DZANK1: variants seen among roughly 807,000 people sequenced by gnomAD.
DZANK1 encodes the protein double zinc ribbon and ankyrin repeat domains 1.
In DZANK1, 91 loss-of-function variants were observed where a neutral mutation model predicts 94.5. The ratio of observed to expected loss-of-function variants is 0.96; its 90% CI spans 0.81 to 1.15. The LOEUF (loss-of-function observed/expected upper bound fraction) is 1.15. DZANK1 is among the 50% of genes most tolerant of loss of function. The pLI is 0.00. For synonymous variants in DZANK1, 312 were observed against 325.3 expected (o/e 0.96, Z 0.44); for missense variants, 903 against 916.4 (o/e 0.99, Z 0.19).
At chr20:18,433,145 T>A (rs182398530) in intron 9 of DZANK1, 61 of 153,270 alleles carry the variant, frequency 4.0e-4, no homozygotes, top group Non-Finnish European at 6.8e-4. Flanking sequence ...CAATCCTACA[T>A]ATCTCTCTTA....
At chr20:18,457,154 G>C (rs2059319629) in intron 3 of DZANK1, among the ~76,000 whole-genome samples, 1 of 152,140 alleles carries the variant, frequency 6.6e-6, no homozygotes, top group Non-Finnish European at 1.5e-5. Flanking sequence ...ATATAGGCTT[G>C]GTCGTTGTAA....
At chr20:18,405,293 G>A (rs988847042) in intron 13 of DZANK1, among the ~76,000 whole-genome samples, 1 of 152,002 alleles carries the variant, frequency 6.6e-6, no homozygotes, top group African/African-American at 2.4e-5. Flanking sequence ...ATATGTAGCA[G>A]AAAAGTACAA....
intron 17 of DZANK1, among the ~76,000 whole-genome samples, chr20:18,393,044 G>A (rs147009853): frequency 8.5e-5 from 13 of 152,246 alleles, no homozygotes; most frequent in African/African-American, 2.6e-4. Context: ...TAACTATTTC[G>A]CAGAAAGCAT....
At chr20:18,383,466 A>G (rs1469126137) in exon 21 of DZANK1, 2 of 152,218 alleles carry the variant, frequency 1.3e-5, no homozygotes, top group Non-Finnish European at 2.9e-5. Context: ...AAAAAATTTA[A>G]ATAAGGTCAA....
At chr20:18,452,801 A>G in intron 5 of DZANK1, 62 bp from the exon 6 acceptor site, 1 of 1,470,064 alleles carries the variant, frequency 6.8e-7, no homozygotes, top group Non-Finnish European at 9.1e-7. Flanking sequence ...TCATACAAAG[A>G]TATCTTCACA....
intron 8 of DZANK1, among the ~76,000 whole-genome samples, chr20:18,434,299 C>T (rs2058421034): frequency 6.6e-6 from 1 of 151,898 alleles, no homozygotes; most frequent in Admixed American, 6.6e-5. Context: ...AACCCCAACA[C>T]TTTGGGAGGC....
chr20:18,387,291 G>A (rs2048559660), intron 19 of DZANK1, among the ~76,000 whole-genome samples: 1 of 152,116 alleles, frequency 6.6e-6, no homozygotes, highest in Admixed American at 6.5e-5. Flanking sequence ...TTTCTGTGCT[G>A]GCTATTTCCT....
intron 10 of DZANK1, among the ~76,000 whole-genome samples, chr20:18,423,136 C>A (rs2057874301): frequency 6.6e-6 from 1 of 152,122 alleles, no homozygotes; most frequent in African/African-American, 2.4e-5. Context: ...GTGCCTAGAA[C>A]ACTGAGTAAA....
intron 10 of DZANK1, among the ~76,000 whole-genome samples, chr20:18,419,988 T>C (rs568057182): frequency 6.6e-6 from 1 of 152,162 alleles, no homozygotes; most frequent in South Asian, 2.1e-4. Flanking sequence ...AACACCTTTC[T>C]AGCCAATTGT....
exon 13 of DZANK1, chr20:18,412,731 C>T: frequency 6.2e-7 from 1 of 1,613,702 alleles, no homozygotes; most frequent in Non-Finnish European, 8.5e-7. Flanking sequence ...GTTCCTGTTC[C>T]TTTTTTGCTA....
intron 10 of DZANK1, among the ~76,000 whole-genome samples, chr20:18,423,083 A>G (rs997325952): frequency 4.6e-5 from 7 of 152,198 alleles, no homozygotes; most frequent in African/African-American, 1.7e-4. Flanking sequence ...ATCATATTTT[A>G]TAGAAGCCAA....
chr20:18,395,404 C>T (rs1271097251), intron 15 of DZANK1, among the ~76,000 whole-genome samples: 3 of 152,124 alleles, frequency 2.0e-5, no homozygotes, highest in African/African-American at 4.8e-5. Context: ...AAACAATGAC[C>T]TGGGAACAGT....
chr20:18,439,383 G>A (rs112116269), intron 8 of DZANK1, among the ~76,000 whole-genome samples: 3 of 152,314 alleles, frequency 2.0e-5, no homozygotes, highest in African/African-American at 7.2e-5. Context: ...TCTGGAAACT[G>A]GGGGAGGAAC....
exon 7 of DZANK1, chr20:18,449,037 C>T (rs746594515): frequency 1.5e-5 from 24 of 1,613,776 alleles, no homozygotes; most frequent in South Asian, 3.3e-5. Context: ...TTGTCAAACA[C>T]TTCTGACCGC....
chr20:18,415,358 T>C, exon 11 of DZANK1: 2 of 1,593,686 alleles, frequency 1.3e-6, no homozygotes, highest in Non-Finnish European at 1.7e-6. Context: ...GAAGGACGCC[T>C]CCCAGAGATT....
Position 18,393,697 on chromosome 20 carries a change from A to T in DZANK1, c.1809+14T>A, listed in dbSNP as rs2056152060. 5 of 1,566,180 alleles carry T rather than the reference A, an allele frequency of 3.2e-6. No homozygotes were observed. The East Asian group carries it at 1.1e-4, about 35-fold the overall frequency. ...TGAAGACAACATCCACAAGGACCAA[A>T]AAAAGACACTTACTATAAGCTGCTC... On this transcript the variant is annotated intron_variant, in intron 17 of 20. Transcript: ENST00000262547.
chr20:18,388,173 G>A (rs955553824), intron 19 of DZANK1, among the ~76,000 whole-genome samples: 17 of 152,118 alleles, frequency 1.1e-4, no homozygotes, highest in Admixed American at 7.2e-4. Flanking sequence ...CGTGAGAGAG[G>A]GCCAACCCTC....
intron 7 of DZANK1, 51 bp downstream of exon 7, chr20:18,448,933 T>C (rs1403827492): frequency 1.3e-5 from 19 of 1,419,448 alleles, no homozygotes; most frequent in Non-Finnish European, 9.8e-6. Context: ...TCTTTGACCA[T>C]GATGTATCTT....
intron 13 of DZANK1, among the ~76,000 whole-genome samples, chr20:18,410,193 G>A (rs908268568): frequency 2.6e-5 from 4 of 152,062 alleles, no homozygotes; most frequent in Non-Finnish European, 5.9e-5. Flanking sequence ...AAGACATCAT[G>A]TTATAACTAA....
Sources: allele counts gnomAD v4.1 joint callset (sites outside exome capture counted in the v4.1 genomes callset), GRCh38; gene constraint gnomAD v4.1.1; transcripts MANE v1.5; gene names NCBI Gene and HGNC (gene_info 2026-07-23, HGNC 2026-07-21).